The following TTC7B variants were observed in gnomAD, a reference collection of about 807,000 sequenced individuals.
TTC7B encodes the protein tetratricopeptide repeat domain 7B, also known as tetratricopeptide repeat protein 7B.
A neutral mutation model predicts 106.8 loss-of-function variants in TTC7B; 28 were observed. The ratio of observed to expected loss-of-function variants is 0.26; its 90% CI spans 0.19 to 0.36. The LOEUF (loss-of-function observed/expected upper bound fraction) is 0.36. TTC7B is among the 10% of genes least tolerant of loss of function. TTC7B has a pLI of 1.00. For synonymous variants in TTC7B, 405 were observed against 430.6 expected (o/e 0.94, Z 0.74); for missense variants, 862 against 1,076.4 (o/e 0.80, Z 2.79).
chr14:90,596,938 C>T (rs1293194481), intron 17 of TTC7B, among the ~76,000 whole-genome samples: 1 of 152,172 alleles, frequency 6.6e-6, no homozygotes, highest in Non-Finnish European at 1.5e-5. Context: ...CCTCTAACAA[C>T]AGCTCAGAGG....
chr14:90,795,082 G>A (rs1257208598), intron 1 of TTC7B, among the ~76,000 whole-genome samples: 1 of 152,120 alleles, frequency 6.6e-6, no homozygotes, highest in East Asian at 1.9e-4. Flanking sequence ...GCACTCCAGG[G>A]CATACGAGAA....
intron 19 of TTC7B, among the ~76,000 whole-genome samples, chr14:90,571,083 C>A (rs1431414593): frequency 6.6e-6 from 1 of 152,176 alleles, no homozygotes. Context: ...GGGCAGGTGA[C>A]CAACAGCAGG....
intron 15 of TTC7B, among the ~76,000 whole-genome samples, chr14:90,629,829 C>G (rs537212475): frequency 6.6e-6 from 1 of 152,234 alleles, no homozygotes; most frequent in African/African-American, 2.4e-5. Flanking sequence ...GAGCCCCCGG[C>G]GGTCAGCCAG....
At chr14:90,652,240 G>A (rs1885751572) in intron 13 of TTC7B, among the ~76,000 whole-genome samples, 1 of 152,176 alleles carries the variant, frequency 6.6e-6, no homozygotes, top group Non-Finnish European at 1.5e-5. Flanking sequence ...TTCCTCACTT[G>A]TGTGTGGTAA....
chr14:90,790,707 C>T (rs565497275), intron 1 of TTC7B, among the ~76,000 whole-genome samples: 9 of 152,180 alleles, frequency 5.9e-5, no homozygotes, highest in African/African-American at 1.9e-4. Context: ...ACCCCTGCTA[C>T]CTATTCTAGC....
intron 3 of TTC7B, among the ~76,000 whole-genome samples, chr14:90,753,539 A>G (rs931106298): frequency 3.3e-5 from 5 of 152,196 alleles, no homozygotes; most frequent in Admixed American, 3.3e-4. Flanking sequence ...GACTTAGCTC[A>G]ATAGGAGGAC....
intron 3 of TTC7B, chr14:90,766,694 G>A: frequency 7.0e-7 from 1 of 1,422,326 alleles, no homozygotes; most frequent in African/African-American, 1.4e-5. Context: ...TGCACCAAGA[G>A]GGCGGGAGAA....
intron 6 of TTC7B, among the ~76,000 whole-genome samples, chr14:90,691,269 A>C (rs1887458523): frequency 6.6e-6 from 1 of 152,152 alleles, no homozygotes; most frequent in Non-Finnish European, 1.5e-5. Flanking sequence ...TGCCCTAAAC[A>C]GTTTGCTTGT....
intron 17 of TTC7B, chr14:90,602,015 A>G (rs1892444120): frequency 3.3e-5 from 14 of 421,540 alleles, no homozygotes; most frequent in South Asian, 2.4e-4. Context: ...CCTCTTTTCT[A>G]TTATGGACTG....
At chr14:90,607,802 A>T (rs1892708489) in intron 17 of TTC7B, among the ~76,000 whole-genome samples, 1 of 152,232 alleles carries the variant, frequency 6.6e-6, no homozygotes, top group South Asian at 2.1e-4. Context: ...GTGAAGTGCA[A>T]AATGGCAGGT....
rs936577042 is a variant in TTC7B, at chr14:90,808,840, C to T, written c.121+7335G>A. Among the ~76,000 whole-genome samples, 5 of 152,176 alleles carry T rather than the reference C, an allele frequency of 3.3e-5. No homozygotes were observed. The highest frequency in any genetic ancestry group is 1.2e-4 in the African/African-American group (5 of 41,454). ...GGGCAGGAATCCACCCACGTGTGGC[C>T]AACGTGAATAAGAACCAAAGGCCAT... On this transcript the variant is annotated intron_variant, in intron 1 of 19. Coordinates refer to ENST00000328459, the MANE Select transcript of TTC7B (RefSeq NM_001010854.2). This position sits in a 1 kb window ranked among gnomAD's most constrained non-coding sequence, Gnocchi z 4.2.
At chr14:90,784,776 C>T (rs1320483030) in intron 2 of TTC7B, among the ~76,000 whole-genome samples, 2 of 152,164 alleles carry the variant, frequency 1.3e-5, no homozygotes, top group African/African-American at 2.4e-5. Flanking sequence ...GAGCTGACCT[C>T]TCCAGCCACC....
At chr14:90,744,543 A>G (rs1021984815) in intron 4 of TTC7B, among the ~76,000 whole-genome samples, 10 of 152,128 alleles carry the variant, frequency 6.6e-5, no homozygotes, top group Non-Finnish European at 1.5e-4. Flanking sequence ...TCCTGACCTC[A>G]GAAGATCCAC....
At chr14:90,661,784 A>G (rs1306361250) in intron 9 of TTC7B, among the ~76,000 whole-genome samples, 2 of 152,208 alleles carry the variant, frequency 1.3e-5, no homozygotes, top group Non-Finnish European at 2.9e-5. Flanking sequence ...GCTAAGAGGA[A>G]TGATAAATAT....
chr14:90,685,304 G>A (rs1280608903), intron 7 of TTC7B, among the ~76,000 whole-genome samples: 1 of 152,186 alleles, frequency 6.6e-6, no homozygotes, highest in Non-Finnish European at 1.5e-5. Context: ...CTCCAAACCA[G>A]CATAACTGAA....
rs1277889759 is a variant in TTC7B at position 90,600,902 on chromosome 14, G to A, written c.1967-7276C>T. 1.3e-5 allele frequency among the ~76,000 whole-genome samples: 2 copies of A among 152,202 alleles called. No homozygotes were observed. Among genetic ancestry groups the A allele is most frequent in the Non-Finnish European group, 2.9e-5 (2 of 68,038 alleles). On this transcript the variant is annotated intron_variant, in intron 17 of 19. Coordinates refer to ENST00000328459, the MANE Select transcript of TTC7B (RefSeq NM_001010854.2). This position sits in a 1 kb window ranked among gnomAD's most constrained non-coding sequence, Gnocchi z 4.3. ...TGAACCCTCCCTGATGCATATTCATGAGGCTGTGTCTTGGGGTGGAAGTGC... is the reference window on the plus strand; with the variant it reads ...TGAACCCTCCCTGATGCATATTCATAAGGCTGTGTCTTGGGGTGGAAGTGC...
intron 6 of TTC7B, among the ~76,000 whole-genome samples, chr14:90,689,999 G>A (rs1172845879): frequency 1.3e-5 from 2 of 152,196 alleles, no homozygotes; most frequent in Admixed American, 6.5e-5. Context: ...TGAAACAACT[G>A]AAACTTTTGG....
Position 90,695,075 on chromosome 14 carries a change from ATTT to A in TTC7B, c.777+422_777+424del, listed in dbSNP as rs1887672779. ...TATATTTTATTTTATTATAAAATATATTTTATTTTATTATAAAATATATTTTAT... is the reference window on the plus strand; with the variant it reads ...TATATTTTATTTTATTATAAAATATATATTTTATTATAAAATATATTTTAT... On this transcript the variant is annotated intron_variant, in intron 6 of 19. Transcript: ENST00000328459. 8.8e-5 allele frequency among the ~76,000 whole-genome samples: 4 copies of A among 45,452 alleles called. No individual in the cohort carries two copies. In the Admixed American group the frequency reaches 1.1e-3, roughly 13 times the overall value. 29.8% of individuals were successfully genotyped at this position (45,452 alleles called of 152,430 possible).
At chr14:90,812,078 T>A (rs1468292246) in intron 1 of TTC7B, among the ~76,000 whole-genome samples, 2 of 152,154 alleles carry the variant, frequency 1.3e-5, no homozygotes, top group Non-Finnish European at 2.9e-5. Flanking sequence ...AACCCCATTA[T>A]GACCATGTGC....
Sources: allele counts gnomAD v4.1 joint callset (sites outside exome capture counted in the v4.1 genomes callset), GRCh38; gene constraint gnomAD v4.1.1; non-coding constraint Gnocchi (gnomAD v3.1); transcripts MANE v1.5; gene names NCBI Gene and HGNC (gene_info 2026-07-23, HGNC 2026-07-21).